ITGA2: variants seen among roughly 807,000 people sequenced by gnomAD.
ITGA2 encodes integrin subunit alpha 2.
ITGA2 carries 101 observed loss-of-function variants against 146.3 expected under a neutral mutation model. The ratio of observed to expected loss-of-function variants is 0.69; its 90% CI spans 0.59 to 0.81. ITGA2 has a LOEUF of 0.81. Ranked by LOEUF, ITGA2 falls within the 40% of genes least tolerant of loss-of-function variation. The pLI, the probability that ITGA2 is intolerant of heterozygous loss-of-function variation, is 0.00. For missense variants in ITGA2, 1,281 were observed against 1,402.7 expected (o/e 0.91, Z 1.39); for synonymous variants, 477 against 487.1 (o/e 0.98, Z 0.27).
chr5:53,087,067 G>T (rs367655620), intron 28 of ITGA2, 26 bp downstream of exon 28: 1 of 1,523,932 alleles, frequency 6.6e-7, no homozygotes, highest in East Asian at 2.3e-5. Context: ...CCTTCCCTGT[G>T]AGCCTCAGGG....
chr5:53,078,228 C>G (rs959943987), intron 23 of ITGA2, among the ~76,000 whole-genome samples: 4 of 152,088 alleles, frequency 2.6e-5, no homozygotes, highest in African/African-American at 9.7e-5. Flanking sequence ...ACAGATTTGA[C>G]CAACCTCATT....
At chr5:53,038,347 T>C (rs1579834084) in intron 2 of ITGA2, among the ~76,000 whole-genome samples, 1 of 152,330 alleles carries the variant, frequency 6.6e-6, no homozygotes, top group East Asian at 1.9e-4. Context: ...CATTTGGTAT[T>C]GTCTGAACAT....
chr5:53,061,122 G>A (rs1402769150), intron 12 of ITGA2, 76 bp downstream of exon 12: 4 of 1,431,028 alleles, frequency 2.8e-6, no homozygotes, highest in African/African-American at 2.8e-5. Flanking sequence ...GAACAGAAAT[G>A]GAAAACAACA....
chr5:53,061,155 A>G (rs1744890277), intron 12 of ITGA2, 109 bp downstream of exon 12: 1 of 1,019,208 alleles, frequency 9.8e-7, no homozygotes, highest in African/African-American at 1.6e-5. Flanking sequence ...CTACTCTGTG[A>G]TTGGCTCTGT....
intron 2 of ITGA2, among the ~76,000 whole-genome samples, chr5:53,031,709 C>T (rs999041981): frequency 6.6e-6 from 1 of 152,094 alleles, no homozygotes; most frequent in Admixed American, 6.5e-5. Flanking sequence ...CTCAAGTGAG[C>T]GGGATAATTT....
At position 53,087,321 on chromosome 5, in the gene ITGA2, A is replaced by G. The variant is rs142437365; in HGVS notation, c.3348+280A>G. ...TGAGAAGTACAACAAAAGGGGCTCT[A>G]TGTTCTTTGGGACTCCATGGTGTCT... On this transcript the variant is annotated intron_variant, in intron 28 of 29. Coordinates refer to ENST00000296585, the MANE Select transcript of ITGA2 (RefSeq NM_002203.4). Among the ~76,000 whole-genome samples, 12 of 152,240 alleles carry G rather than the reference A, an allele frequency of 7.9e-5. No homozygotes were observed. In the East Asian group the frequency reaches 1.5e-3, roughly 20 times the overall value.
intron 26 of ITGA2, among the ~76,000 whole-genome samples, chr5:53,082,844 G>A (rs969772727): frequency 9.2e-5 from 14 of 152,002 alleles, no homozygotes; most frequent in African/African-American, 2.7e-4. Context: ...CATCCTGCCC[G>A]CCCCACTAGC....
At chr5:53,018,194 G>A (rs1376814950) in intron 1 of ITGA2, among the ~76,000 whole-genome samples, 2 of 152,176 alleles carry the variant, frequency 1.3e-5, no homozygotes, top group Non-Finnish European at 2.9e-5. Context: ...GTCACCCTAA[G>A]GCTAAAGTCT....
chr5:53,016,476 C>T (rs2111767733), intron 1 of ITGA2, among the ~76,000 whole-genome samples: 1 of 152,272 alleles, frequency 6.6e-6, no homozygotes, highest in South Asian at 2.1e-4. Context: ...ATGGGGTTCC[C>T]TTTATAGGTG....
chr5:53,062,656 A>G (rs893611799), intron 12 of ITGA2, 130 bp from the exon 13 acceptor site: 11 of 928,454 alleles, frequency 1.2e-5, no homozygotes, highest in African/African-American at 3.2e-5. Flanking sequence ...CTCTGTCTTC[A>G]TGTTCCAAGC....
At chr5:52,998,608 C>T (rs1366238967) in intron 1 of ITGA2, among the ~76,000 whole-genome samples, 1 of 152,110 alleles carries the variant, frequency 6.6e-6, no homozygotes, top group African/African-American at 2.4e-5. Context: ...GATTCATGCA[C>T]CCTAGGAACC....
chr5:53,077,000 T>G (rs1745690109), intron 23 of ITGA2, among the ~76,000 whole-genome samples: 1 of 152,016 alleles, frequency 6.6e-6, no homozygotes, highest in South Asian at 2.1e-4. Flanking sequence ...GATACAGGGT[T>G]GCTTATCTAC....
intron 2 of ITGA2, among the ~76,000 whole-genome samples, chr5:53,035,060 G>A (rs1235696076): frequency 1.3e-5 from 2 of 152,144 alleles, no homozygotes; most frequent in Non-Finnish European, 2.9e-5. Context: ...CATAAAAAAT[G>A]CTTTATGAGC....
chr5:53,073,644 G>A (rs905464093), intron 20 of ITGA2, among the ~76,000 whole-genome samples: 1 of 151,820 alleles, frequency 6.6e-6, no homozygotes, highest in Non-Finnish European at 1.5e-5. Context: ...GATGATGCAC[G>A]CCAGCAAAGC....
chr5:53,054,537 T>C (rs1291645483), intron 7 of ITGA2, among the ~76,000 whole-genome samples: 1 of 152,154 alleles, frequency 6.6e-6, no homozygotes, highest in Non-Finnish European at 1.5e-5. Context: ...ATTACAGCCT[T>C]ACTTGTAAAA....
chr5:52,989,455 C>T lies in ITGA2; in HGVS notation c.-14C>T, dbSNP rs370965346. 7 of 1,614,136 alleles carry T rather than the reference C, an allele frequency of 4.3e-6. No homozygotes were observed. Among genetic ancestry groups the T allele is most frequent in the Middle Eastern group, 1.6e-4 (1 of 6,062 alleles). On this transcript the variant is annotated 5_prime_UTR_variant, in exon 1 of 30. Transcript: ENST00000296585. ...CAAACCCAGCGCAACTACGGTCCCC[C>T]GGTCAGACCCAGGATGGGGCCAGAA...
chr5:53,078,867 C>A lies in ITGA2; in HGVS notation c.2921C>A (p.Ser974Tyr), dbSNP rs748674669. The A allele has an allele frequency of 1.3e-6, 2 of 1,588,492 alleles. No individual in the cohort carries two copies. Among genetic ancestry groups the A allele is most frequent in the African/African-American group, 2.7e-5 (2 of 74,386 alleles). ...GATGTTGGTCCAAAATTCATCTTCT[C>A]CCTGAAGGTTGGTAAGCCTGTCATA... ...FEDVGPKFIF[S>Y]LKVTTGSVPV... The change falls in exon 24 of 30, where the codon TCC becomes TAC. Residue 974 changes from serine to tyrosine, a missense_variant. Coordinates refer to ENST00000296585, the MANE Select transcript of ITGA2 (RefSeq NM_002203.4).
Position 53,090,827 on chromosome 5 carries a change from T to C in ITGA2, c.*228T>C. On this transcript the variant is annotated 3_prime_UTR_variant, in exon 30 of 30. Transcript: ENST00000296585. ...TAATAGGGAAAATACCTATTTTATA[T>C]GATGGGGGAAAAAAAGTAATCTTTA... 1 of 603,110 alleles carries C rather than the reference T, an allele frequency of 1.7e-6. No homozygotes were observed. The highest frequency in any genetic ancestry group is 2.0e-5 in the South Asian group (1 of 49,640). The allele number at this position is 603,110 out of a possible 1,614,324, so 37.4% of individuals were successfully genotyped here. A position where few individuals can be genotyped will look rare whatever the true frequency, so the allele number is the denominator to read the frequency against.
intron 1 of ITGA2, among the ~76,000 whole-genome samples, chr5:53,022,881 T>C (rs1025115577): frequency 6.4e-4 from 97 of 152,188 alleles, no homozygotes; most frequent in African/African-American, 2.3e-3. Flanking sequence ...GGTTTACTTA[T>C]GGATATTAAA....
Sources: allele counts gnomAD v4.1 joint callset (sites outside exome capture counted in the v4.1 genomes callset), GRCh38; gene constraint gnomAD v4.1.1; transcripts MANE v1.5; gene names NCBI Gene and HGNC (gene_info 2026-07-23, HGNC 2026-07-21).